ADGRB3: variants seen among roughly 807,000 people sequenced by gnomAD.
ADGRB3 encodes the protein adhesion G protein-coupled receptor B3.
In ADGRB3, 37 loss-of-function variants were observed where a neutral mutation model predicts 193.4. The ratio of observed to expected loss-of-function variants is 0.19; its 90% confidence interval spans 0.15 to 0.25. ADGRB3 has a LOEUF of 0.25. Ranked by LOEUF, ADGRB3 falls within the 10% of genes least tolerant of loss-of-function variation. The pLI, the probability that ADGRB3 is intolerant of heterozygous loss-of-function variation, is 1.00. For missense variants in ADGRB3, 1,637 were observed against 1,852.9 expected (o/e 0.88, Z 2.14); for synonymous variants, 690 against 644.2 (o/e 1.07, Z -1.08).
Position 69,360,885 on chromosome 6 carries a change from T to A in ADGRB3, c.3612T>A (p.Ile1204=), listed in dbSNP as rs948568505. Residue 1204 remains isoleucine (I), a synonymous_variant, in exon 29 of 32, where the codon ATT becomes ATA. Transcript: ENST00000370598. ...TACTCACAGTTCTTCATAAGGATATTGGTCCTTGCCGAGCAGCCACAATAA... is the reference window on the plus strand; with the variant it reads ...TACTCACAGTTCTTCATAAGGATATAGGTCCTTGCCGAGCAGCCACAATAA... The part of the protein sequence containing the change: ...IACRSVLHKD[I]GPCRAATITG... 1 of 1,606,494 alleles carries A rather than the reference T, an allele frequency of 6.2e-7. No homozygotes were observed.
intron 8 of ADGRB3, among the ~76,000 whole-genome samples, chr6:68,961,809 T>TTA (rs1384267683): frequency 2.6e-5 from 4 of 152,202 alleles, no homozygotes; most frequent in African/African-American, 9.6e-5. Flanking sequence ...AAACAGTACT[T>TTA]TTTAAAGCTC....
intron 3 of ADGRB3, among the ~76,000 whole-genome samples, chr6:68,792,143 A>C (rs544873499): frequency 3.9e-5 from 6 of 152,288 alleles, no homozygotes; most frequent in Admixed American, 3.9e-4. Flanking sequence ...GTTTCTCTAT[A>C]GATTGTTTTA....
chr6:68,930,530 G>C (rs1400904254), intron 3 of ADGRB3, 29 bp from the exon 4 acceptor site: 1 of 1,490,490 alleles, frequency 6.7e-7, no homozygotes. Flanking sequence ...CTACACACAA[G>C]CTTTCATATA....
intron 3 of ADGRB3, among the ~76,000 whole-genome samples, chr6:68,723,312 A>G (rs1765616296): frequency 1.3e-5 from 2 of 151,684 alleles, no homozygotes; most frequent in Middle Eastern, 3.2e-3. Context: ...GGTATCTTCT[A>G]TCTTCAGCTG....
intron 20 of ADGRB3, among the ~76,000 whole-genome samples, chr6:69,315,947 A>G (rs1025727782): frequency 5.3e-5 from 8 of 151,530 alleles, no homozygotes; most frequent in Middle Eastern, 3.4e-3. Flanking sequence ...GGGTTTCTAA[A>G]TAGTATACTG....
At chr6:69,384,225 T>C (rs114178953) in intron 31 of ADGRB3, among the ~76,000 whole-genome samples, 2,494 of 152,118 alleles carry the variant, frequency 0.016, 65 homozygotes, top group African/African-American at 0.057. Context: ...CTTAATAGTT[T>C]CATGTTCATC....
Position 69,339,376 on chromosome 6 carries a change from T to C in ADGRB3, c.3331T>C (p.Leu1111=), listed in dbSNP as rs746057248. The stretch of plus-strand genomic sequence containing the variant: ...CTGTGTGGTGTTGCCCCTTCTGGCT[T>C]TGACGTGGATGTCTGCGGTTCTGGC... ...SSCVVLPLLA[L]TWMSAVLAMT... The change falls in exon 26 of 32, where the codon TTG becomes CTG. Residue 1111 remains leucine, a synonymous_variant. Coordinates refer to ENST00000370598, the MANE Select transcript of ADGRB3 (RefSeq NM_001704.3). 2 of 1,614,020 alleles carry C rather than the reference T, an allele frequency of 1.2e-6. No individual in the cohort carries two copies. The highest frequency in any genetic ancestry group is 1.7e-6 in the Non-Finnish European group (2 of 1,179,930).
chr6:68,677,954 T>C (rs1320417366), intron 3 of ADGRB3, among the ~76,000 whole-genome samples: 1 of 152,164 alleles, frequency 6.6e-6, no homozygotes, highest in African/African-American at 2.4e-5. Flanking sequence ...TTCATGAATT[T>C]TTTTTTAATT....
chr6:68,750,965 C>T (rs534801392), intron 3 of ADGRB3, among the ~76,000 whole-genome samples: 2 of 152,238 alleles, frequency 1.3e-5, no homozygotes, highest in African/African-American at 4.8e-5. Context: ...GCCCATCTGT[C>T]CTAAGCTTAG....
At chr6:68,660,445 A>C (rs1440978969) in intron 3 of ADGRB3, among the ~76,000 whole-genome samples, 2 of 150,888 alleles carry the variant, frequency 1.3e-5, no homozygotes, top group South Asian at 4.1e-4. Context: ...TAATTTTAAA[A>C]ATGAATAATC....
rs560818304 is a variant in ADGRB3 at position 69,213,783 on chromosome 6, G to A, written c.2481-19507G>A. Among the ~76,000 whole-genome samples the A allele has an allele frequency of 3.9e-5, 6 of 152,242 alleles. No homozygotes were observed. The South Asian group carries it at 8.3e-4, about 21-fold the overall frequency. ...AGGGTAAAGCTAGATTAGATAGATG[G>A]ATCAATAAATAGATTGATAGAGAGA... On this transcript the variant is annotated intron_variant, in intron 17 of 31. Transcript: ENST00000370598.
intron 16 of ADGRB3, among the ~76,000 whole-genome samples, chr6:69,074,520 C>T (rs987152095): frequency 1.3e-5 from 2 of 151,026 alleles, no homozygotes; most frequent in Non-Finnish European, 2.9e-5. Context: ...AAGGCAGTGG[C>T]CTGTTTCAGG....
At chr6:69,236,113 A>G (rs954693436) in intron 19 of ADGRB3, among the ~76,000 whole-genome samples, 8 of 152,034 alleles carry the variant, frequency 5.3e-5, no homozygotes, top group Non-Finnish European at 7.4e-5. Flanking sequence ...AAAATGAATT[A>G]CAATTTTATT....
intron 11 of ADGRB3, among the ~76,000 whole-genome samples, chr6:69,011,167 G>GTATA (rs1554242057): frequency 6.3e-5 from 9 of 143,050 alleles, no homozygotes; most frequent in African/African-American, 1.3e-4. Flanking sequence ...GTGTGTGTGT[G>GTATA]TATATATATA....
At chr6:68,948,385 C>T (rs1340995834) in intron 6 of ADGRB3, among the ~76,000 whole-genome samples, 2 of 152,022 alleles carry the variant, frequency 1.3e-5, no homozygotes, top group African/African-American at 4.8e-5. Context: ...AACCCTCTGT[C>T]CTTAATGGTC....
rs570906855 is a variant in ADGRB3, at chr6:69,266,895, G to T, written c.2814+27669G>T. Among the ~76,000 whole-genome samples the T allele has an allele frequency of 1.5e-4, 23 of 152,074 alleles. No individual in the cohort carries two copies. The South Asian group carries it at 4.8e-3, about 32-fold the overall frequency. The stretch of plus-strand genomic sequence containing the variant: ...TAATTGTTTTGAAATGATTATCCTT[G>T]GCTACAAAGATCAATAACAAGGGTG... On this transcript the variant is annotated intron_variant, in intron 20 of 31. Coordinates refer to ENST00000370598, the MANE Select transcript of ADGRB3 (RefSeq NM_001704.3).
intron 31 of ADGRB3, among the ~76,000 whole-genome samples, chr6:69,387,364 T>C (rs1330841821): frequency 2.0e-5 from 3 of 152,128 alleles, no homozygotes; most frequent in Non-Finnish European, 2.9e-5. Flanking sequence ...TACAAGACTG[T>C]AATTCATGAG....
At chr6:69,012,028 C>T (rs1769953621) in intron 11 of ADGRB3, among the ~76,000 whole-genome samples, 2 of 151,832 alleles carry the variant, frequency 1.3e-5, no homozygotes, top group Non-Finnish European at 2.9e-5. Flanking sequence ...TTGGTTGGCC[C>T]AACATGTATT....
At chr6:68,946,685 G>A (rs1767783425) in intron 6 of ADGRB3, among the ~76,000 whole-genome samples, 1 of 152,104 alleles carries the variant, frequency 6.6e-6, no homozygotes, top group Non-Finnish European at 1.5e-5. Flanking sequence ...CACAAACTGT[G>A]TCTCCCACTA....
Sources: allele counts gnomAD v4.1 joint callset (sites outside exome capture counted in the v4.1 genomes callset), GRCh38; gene constraint gnomAD v4.1.1; transcripts MANE v1.5; gene names NCBI Gene and HGNC (gene_info 2026-07-23, HGNC 2026-07-21).